The following SDK1 variants were observed in gnomAD, a reference collection of about 807,000 sequenced individuals.
SDK1 encodes the protein protein sidekick-1.
SDK1 carries 157 observed loss-of-function variants against 245.5 expected under a neutral mutation model. The ratio of observed to expected loss-of-function variants is 0.64; its 90% CI spans 0.56 to 0.73. The LOEUF (loss-of-function observed/expected upper bound fraction) is 0.73. Ranked by LOEUF, SDK1 falls within the 30% of genes least tolerant of loss-of-function variation. The pLI, the probability that SDK1 is intolerant of heterozygous loss-of-function variation, is 0.00. For synonymous variants in SDK1, 1,647 were observed against 1,278.5 expected (o/e 1.29, Z -6.15); for missense variants, 3,583 against 3,002.3 (o/e 1.19, Z -4.52).
At chr7:3,941,833 A>T (rs1005903168) in intron 5 of SDK1, among the ~76,000 whole-genome samples, 11 of 151,962 alleles carry the variant, frequency 7.2e-5, no homozygotes, top group Admixed American at 3.3e-4. Context: ...CAGTTGTTAC[A>T]GTTGCAGTCA....
chr7:3,304,220 G>C (rs1273514803), intron 1 of SDK1, among the ~76,000 whole-genome samples: 46 of 152,182 alleles, frequency 3.0e-4, no homozygotes, highest in Admixed American at 2.9e-3. Flanking sequence ...TTTCTGAGTT[G>C]TATGCTCTGC....
At chr7:3,884,094 T>G (rs1014181819) in intron 5 of SDK1, among the ~76,000 whole-genome samples, 14 of 126,912 alleles carry the variant, frequency 1.1e-4, no homozygotes, top group African/African-American at 3.8e-4. Flanking sequence ...TTTTTTTTTT[T>G]TTTTGAGACA....
chr7:4,261,584 C>T (rs567440522), intron 44 of SDK1, among the ~76,000 whole-genome samples: 83 of 152,332 alleles, frequency 5.4e-4, no homozygotes, highest in African/African-American at 1.9e-3. Context: ...TGGGAATCCT[C>T]AGAGAGCCTG....
chr7:3,436,854 A>T (rs1011491470), intron 1 of SDK1, among the ~76,000 whole-genome samples: 4 of 152,030 alleles, frequency 2.6e-5, no homozygotes, highest in Non-Finnish European at 4.4e-5. Flanking sequence ...AAACTCGTCT[A>T]CCCTCCCCAA....
chr7:3,978,295 G>A (rs1783129094), intron 13 of SDK1, among the ~76,000 whole-genome samples: 1 of 152,068 alleles, frequency 6.6e-6, no homozygotes, highest in Admixed American at 6.6e-5. Context: ...TTTTTATTCT[G>A]CACAGTTTTA....
At chr7:3,741,038 C>T (rs772797821) in intron 4 of SDK1, among the ~76,000 whole-genome samples, 1 of 152,194 alleles carries the variant, frequency 6.6e-6, no homozygotes, top group Non-Finnish European at 1.5e-5. Flanking sequence ...TGTTGCCTCC[C>T]TCTGGAGCCT....
intron 18 of SDK1, 50 bp from the exon 19 acceptor site, chr7:4,051,588 G>A (rs375181074): frequency 4.0e-6 from 6 of 1,513,626 alleles, no homozygotes; most frequent in Admixed American, 1.9e-5. Flanking sequence ...CATGAGTGTG[G>A]AGAAATGCCA....
intron 5 of SDK1, among the ~76,000 whole-genome samples, chr7:3,892,114 A>G (rs6962389): frequency 0.37 from 55,570 of 152,006 alleles, 13,630 homozygotes; most frequent in African/African-American, 0.7. Flanking sequence ...TCCTTTAACA[A>G]CTTTCCAGCT....
chr7:4,256,073 C>G (rs1014928738), intron 44 of SDK1, among the ~76,000 whole-genome samples: 1 of 152,012 alleles, frequency 6.6e-6, no homozygotes. Flanking sequence ...GTGTGCGCCA[C>G]CACACCCAGC....
At position 3,813,256 on chromosome 7, in the gene SDK1, C is replaced by G. The variant is rs1397232994; in HGVS notation, c.714-8194C>G. Among the ~76,000 whole-genome samples the G allele has an allele frequency of 9.7e-4, 111 of 114,812 alleles. 2 individuals are homozygous for G. The highest frequency in any genetic ancestry group is 3.4e-3 in the African/African-American group (104 of 30,356). 75.3% of individuals were successfully genotyped at this position (114,812 alleles called of 152,430 possible). On this transcript the variant is annotated intron_variant, in intron 4 of 44. Transcript: ENST00000404826. The stretch of plus-strand genomic sequence containing the variant: ...AGGTATATCTCCCAATGCTATCCCT[C>G]CCCCCTCCCCCCACCCCACCACAGT...
chr7:3,989,947 G>C (rs187743902), intron 14 of SDK1, among the ~76,000 whole-genome samples: 177 of 152,310 alleles, frequency 1.2e-3, no homozygotes, highest in African/African-American at 4.1e-3. Flanking sequence ...CGATGGGAGG[G>C]GAAGATGGGA....
chr7:3,307,861 A>C (rs1400796950), intron 1 of SDK1, among the ~76,000 whole-genome samples: 1 of 151,892 alleles, frequency 6.6e-6, no homozygotes, highest in Non-Finnish European at 1.5e-5. Context: ...GAATTGTTCT[A>C]CTCTGATTCT....
intron 1 of SDK1, among the ~76,000 whole-genome samples, chr7:3,572,890 C>T (rs1780160185): frequency 6.6e-6 from 1 of 151,968 alleles, no homozygotes; most frequent in African/African-American, 2.4e-5. Context: ...TGGAAGAATT[C>T]CATTGGAAGA....
intron 1 of SDK1, among the ~76,000 whole-genome samples, chr7:3,498,053 A>G (rs961711361): frequency 5.9e-5 from 9 of 152,226 alleles, no homozygotes; most frequent in Admixed American, 2.0e-4. Context: ...TAACACTCCA[A>G]AAGTTGGCCA....
chr7:3,799,845 A>G (rs980827313), intron 4 of SDK1, among the ~76,000 whole-genome samples: 2 of 152,184 alleles, frequency 1.3e-5, no homozygotes, highest in African/African-American at 4.8e-5. Context: ...GTATGTCTAA[A>G]TTTGACTAAA....
At chr7:3,425,232 C>A (rs1229333396) in intron 1 of SDK1, among the ~76,000 whole-genome samples, 1 of 151,824 alleles carries the variant, frequency 6.6e-6, no homozygotes, top group African/African-American at 2.4e-5. Flanking sequence ...GGGAGACAGG[C>A]CTGTTGTTAT....
chr7:3,353,256 G>T (rs1780707723), intron 1 of SDK1, among the ~76,000 whole-genome samples: 1 of 152,084 alleles, frequency 6.6e-6, no homozygotes, highest in Non-Finnish European at 1.5e-5. Context: ...TAAAGTGCTT[G>T]ACTTAATTCT....
chr7:3,520,998 G>A (rs1437747286), intron 1 of SDK1, among the ~76,000 whole-genome samples: 1 of 152,184 alleles, frequency 6.6e-6, no homozygotes, highest in Non-Finnish European at 1.5e-5. Context: ...AAATCAAGGT[G>A]CTGGTAGGGC....
chr7:3,683,063 C>T (rs563381257), intron 4 of SDK1, among the ~76,000 whole-genome samples: 2 of 152,268 alleles, frequency 1.3e-5, no homozygotes, highest in South Asian at 4.1e-4. Flanking sequence ...GCAAATATTT[C>T]TGAGAGTGAT....
Sources: allele counts gnomAD v4.1 joint callset (sites outside exome capture counted in the v4.1 genomes callset), GRCh38; gene constraint gnomAD v4.1.1; transcripts MANE v1.5; gene names NCBI Gene and HGNC (gene_info 2026-07-23, HGNC 2026-07-21).